Variants in LRRFIP2 observed in about 807,000 individuals in gnomAD.
The protein encoded by LRRFIP2 is LRR binding FLII interacting protein 2.
Under a neutral mutation model 125.9 loss-of-function variants are expected in LRRFIP2, and 109 were observed. The ratio of observed to expected loss-of-function variants is 0.87; its 90% confidence interval spans 0.74 to 1.01. LRRFIP2 has a LOEUF of 1.01. LRRFIP2 is among the 50% of genes least tolerant of loss of function. The pLI is 0.00. For synonymous variants in LRRFIP2, 291 were observed against 293.1 expected, an observed-to-expected ratio of 0.99 and a Z score of 0.07; for missense variants, 850 against 862.3, an observed-to-expected ratio of 0.99 and a Z score of 0.18.
At chr3:37,141,144 C>T (rs73827216) in intron 2 of LRRFIP2, among the ~76,000 whole-genome samples, 2,370 of 152,284 alleles carry the variant, frequency 0.016, 56 homozygotes, top group African/African-American at 0.043. Context: ...GAGCAAGACC[C>T]TGTTTCAAAA....
intron 15 of LRRFIP2, among the ~76,000 whole-genome samples, chr3:37,099,979 C>A (rs2093929987): frequency 1.3e-5 from 2 of 152,018 alleles, no homozygotes; most frequent in African/African-American, 4.8e-5. Context: ...TTCCAGGTCA[C>A]CGTTTTTTGA....
At chr3:37,131,749 A>G (rs551341906) in intron 2 of LRRFIP2, among the ~76,000 whole-genome samples, 22 of 152,340 alleles carry the variant, frequency 1.4e-4, no homozygotes, top group Admixed American at 1.4e-3. Context: ...GTAAAGTATG[A>G]CATCTCTGCC....
chr3:37,077,377 C>T (rs779892155), intron 19 of LRRFIP2, among the ~76,000 whole-genome samples: 1 of 152,102 alleles, frequency 6.6e-6, no homozygotes, highest in Non-Finnish European at 1.5e-5. Context: ...TATCTCTATA[C>T]AACATTCATA....
chr3:37,120,798 A>G (rs977359108), intron 6 of LRRFIP2, among the ~76,000 whole-genome samples: 1 of 152,072 alleles, frequency 6.6e-6, no homozygotes, highest in Non-Finnish European at 1.5e-5. Flanking sequence ...AAAAAATTTT[A>G]AATAAAATAA....
At chr3:37,148,532 G>A (rs977096436) in intron 2 of LRRFIP2, among the ~76,000 whole-genome samples, 1 of 152,144 alleles carries the variant, frequency 6.6e-6, no homozygotes, top group South Asian at 2.1e-4. Flanking sequence ...CAAAAACTTC[G>A]CTAGTGCCAA....
rs535166019 is a variant in LRRFIP2, at chr3:37,118,543, C to T, written c.330+2949G>A. On this transcript the variant is annotated intron_variant, in intron 6 of 27. Transcript: ENST00000336686. ...TCCTAACTTTGATTTAATCTTCCCT[C>T]CCCCAATCCTACCATTCACAGTCTT... Among the ~76,000 whole-genome samples the T allele has an allele frequency of 3.9e-5, 6 of 152,300 alleles. 1 individual carries two copies. In the South Asian group the frequency reaches 1.2e-3, roughly 32 times the overall value.
Position 37,065,098 on chromosome 3 carries a change from C to CA in LRRFIP2, c.1699+711dup, listed in dbSNP as rs970050829. The CA allele has an allele frequency of 4.0e-5, 6 of 151,878 alleles. No individual in the cohort carries two copies. The East Asian group carries it at 5.7e-4, about 15-fold the overall frequency. The allele number at this position is 151,878 out of a possible 1,614,324, so 9.4% of individuals were successfully genotyped here. On this transcript the variant is annotated intron_variant, in intron 23 of 27. Coordinates refer to ENST00000336686, the MANE Select transcript of LRRFIP2 (RefSeq NM_006309.4). The stretch of plus-strand genomic sequence containing the variant: ...ACATATATGAAAACAAGATGAAAAA[C>CA]AAAAAAATTGTTTTTTTTTAAAATA...
At chr3:37,128,965 A>T in intron 3 of LRRFIP2, 98 bp downstream of exon 3, 1 of 1,069,410 alleles carries the variant, frequency 9.4e-7, no homozygotes, top group African/African-American at 1.6e-5. Flanking sequence ...TACTATTTTC[A>T]ATGTTTCAAA....
intron 3 of LRRFIP2, among the ~76,000 whole-genome samples, chr3:37,127,964 C>T (rs2149670264): frequency 6.6e-6 from 1 of 152,086 alleles, no homozygotes; most frequent in Non-Finnish European, 1.5e-5. Context: ...CTTAGTTGCC[C>T]AGGCTGGAAT....
At chr3:37,114,302 C>G (rs2094676166) in intron 7 of LRRFIP2, among the ~76,000 whole-genome samples, 1 of 152,124 alleles carries the variant, frequency 6.6e-6, no homozygotes, top group South Asian at 2.1e-4. Flanking sequence ...TTGGACATAA[C>G]TGATGTCTTA....
rs2091454748 is a variant in LRRFIP2 at position 37,072,776 on chromosome 3, AT to A, written c.1464+13del. 1 of 1,570,750 alleles carries A rather than the reference AT, an allele frequency of 6.4e-7. No individual in the cohort carries two copies. The highest frequency in any genetic ancestry group is 1.7e-5 in the Admixed American group (1 of 59,540). ...TCAATGAGCTTCTAACCAAAGCCCA[AT>A]TTCATTTCATACCCCAATTTTTTTA... is the stretch of plus-strand genomic sequence containing the variant. On this transcript the variant is annotated intron_variant, in intron 21 of 27. Coordinates refer to ENST00000336686, the MANE Select transcript of LRRFIP2 (RefSeq NM_006309.4).
intron 21 of LRRFIP2, among the ~76,000 whole-genome samples, chr3:37,070,114 CTTTTTTTT>C (rs528717261): frequency 7.3e-6 from 1 of 136,958 alleles, no homozygotes; most frequent in Non-Finnish European, 1.6e-5. Context: ...TAAATTTCCT[CTTTTTTTT>C]TTTTTTTTTG....
chr3:37,059,659 C>T (rs1050294267), intron 24 of LRRFIP2, among the ~76,000 whole-genome samples: 9 of 151,944 alleles, frequency 5.9e-5, no homozygotes, highest in African/African-American at 1.7e-4. Flanking sequence ...TGGTGGCACG[C>T]GCATGTAGTC....
chr3:37,083,502 T>C (rs1432900006), intron 19 of LRRFIP2, 134 bp downstream of exon 19: 7 of 546,100 alleles, frequency 1.3e-5, no homozygotes, highest in African/African-American at 2.0e-5. Context: ...CTCATGGTGT[T>C]CTGTCAATTT....
chr3:37,107,196 C>T (rs1189446929), intron 13 of LRRFIP2, among the ~76,000 whole-genome samples: 1 of 151,964 alleles, frequency 6.6e-6, no homozygotes, highest in African/African-American at 2.4e-5. Context: ...CCACCATGCC[C>T]GGACAGGAAA....
At chr3:37,154,607 T>C (rs1364295522) in intron 1 of LRRFIP2, 1 of 152,248 alleles carries the variant, frequency 6.6e-6, no homozygotes, top group Middle Eastern at 3.2e-3. Context: ...TGACATATTT[T>C]ACTTACAGAA....
intron 2 of LRRFIP2, among the ~76,000 whole-genome samples, chr3:37,135,369 G>T (rs2095532361): frequency 6.6e-6 from 1 of 151,222 alleles, no homozygotes; most frequent in Non-Finnish European, 1.5e-5. Flanking sequence ...TGAGGCAGGG[G>T]AATCGCTTCA....
chr3:37,138,017 A>G (rs892666153), intron 2 of LRRFIP2, among the ~76,000 whole-genome samples: 2 of 152,198 alleles, frequency 1.3e-5, no homozygotes, highest in Non-Finnish European at 2.9e-5. Flanking sequence ...CTTATAATAC[A>G]TCAAGTTTTC....
chr3:37,164,913 C>T (rs373837858), intron 1 of LRRFIP2, among the ~76,000 whole-genome samples: 8 of 152,060 alleles, frequency 5.3e-5, no homozygotes, highest in African/African-American at 1.9e-4. Flanking sequence ...ATACAGGATG[C>T]TACTCCCATA....
Sources: gnomAD v4.1 joint callset for allele counts (sites outside exome capture counted in the v4.1 genomes callset) on GRCh38, gnomAD v4.1.1 for gene constraint, MANE v1.5 for transcripts, NCBI Gene and HGNC (gene_info 2026-07-23, HGNC 2026-07-21) for gene names.